Variants in HLCS observed in about 807,000 individuals in gnomAD.
HLCS encodes the protein biotin--protein ligase.
In HLCS, 53 loss-of-function variants were observed where a neutral mutation model predicts 75.0. The ratio of observed to expected loss-of-function variants is 0.71; its 90% confidence interval spans 0.57 to 0.89. The LOEUF (loss-of-function observed/expected upper bound fraction) is 0.89, where lower values mean the gene tolerates loss of function less well. Among genes scored for constraint, HLCS ranks in the 40% least tolerant of loss-of-function variants. HLCS has a pLI of 0.00. For synonymous variants in HLCS, 431 were observed against 428.6 expected (o/e 1.01, Z -0.07); for missense variants, 966 against 1,074.0 (o/e 0.90, Z 1.41).
At chr21:36,757,854 G>A (rs796886628) in intron 9 of HLCS, among the ~76,000 whole-genome samples, 1 of 152,272 alleles carries the variant, frequency 6.6e-6, no homozygotes, top group African/African-American at 2.4e-5. Context: ...CTGAACGTTC[G>A]TAAGGCATTA....
chr21:36,872,853 G>T (rs1477127903), intron 6 of HLCS, among the ~76,000 whole-genome samples: 1 of 152,038 alleles, frequency 6.6e-6, no homozygotes, highest in East Asian at 1.9e-4. Context: ...CTAGGGATGG[G>T]GTTACAGGGT....
chr21:36,937,475 C>T, intron 3 of HLCS, 83 bp from the exon 4 acceptor site: 1 of 1,203,716 alleles, frequency 8.3e-7, no homozygotes. Context: ...AATCTCATCA[C>T]CCTCTCTGCA....
At chr21:36,916,716 T>A (rs1278119005) in intron 5 of HLCS, among the ~76,000 whole-genome samples, 1 of 152,012 alleles carries the variant, frequency 6.6e-6, no homozygotes, top group Non-Finnish European at 1.5e-5. Flanking sequence ...TTTATACACA[T>A]GTGCTTTATA....
In HLCS at chr21:36,937,301, AGAAGG is replaced by A. The variant is rs1209487473; in HGVS notation, c.580_584del (p.Pro194SerfsTer2). 11 of 1,613,994 alleles carry A rather than the reference AGAAGG, an allele frequency of 6.8e-6. No homozygotes were observed. Among genetic ancestry groups the A allele is most frequent in the Middle Eastern group, 1.6e-4 (1 of 6,084 alleles). On this transcript the variant is annotated frameshift_variant, in exon 4 of 11. Transcript: ENST00000674895. LOFTEE classifies it high-confidence loss of function. ...CGTCCTGCTCAGGCTTAATCTCAAG[AGAAGG>A]TTCAGGCTTCGGCTCTAGGATCTGG...
intron 6 of HLCS, among the ~76,000 whole-genome samples, chr21:36,851,526 T>C (rs1353352799): frequency 6.6e-6 from 1 of 151,620 alleles, no homozygotes; most frequent in East Asian, 1.9e-4. Flanking sequence ...CTGGGAAGGG[T>C]AGTGGGGGGC....
At chr21:36,810,037 C>T (rs1330917522) in intron 6 of HLCS, among the ~76,000 whole-genome samples, 2 of 152,246 alleles carry the variant, frequency 1.3e-5, no homozygotes, top group East Asian at 1.9e-4. Context: ...GCCGTGGCAC[C>T]CAGCCATTTA....
chr21:36,846,717 T>G (rs1326557765), intron 6 of HLCS, among the ~76,000 whole-genome samples: 3 of 152,164 alleles, frequency 2.0e-5, no homozygotes, highest in African/African-American at 7.2e-5. Flanking sequence ...TTCCCTTACA[T>G]CTCCTTTTTA....
At chr21:36,905,059 C>T (rs539584882) in intron 5 of HLCS, among the ~76,000 whole-genome samples, 84 of 152,270 alleles carry the variant, frequency 5.5e-4, no homozygotes, top group South Asian at 1.0e-3. Context: ...CACAAACTTT[C>T]GTAAACCCTT....
intron 6 of HLCS, among the ~76,000 whole-genome samples, chr21:36,852,701 A>G (rs149101964): frequency 9.2e-5 from 14 of 152,282 alleles, no homozygotes; most frequent in Non-Finnish European, 2.1e-4. Context: ...ATCTGCCTCT[A>G]AAGCCTGATC....
intron 1 of HLCS, among the ~76,000 whole-genome samples, chr21:36,963,500 G>A (rs1169417878): frequency 5.3e-5 from 8 of 152,150 alleles, no homozygotes; most frequent in African/African-American, 9.7e-5. Flanking sequence ...GGTGGCTCAC[G>A]CCTGTAATCC....
rs191132728 is a variant in HLCS at position 36,914,735 on chromosome 21, A to G, written c.1620+15516T>C. 2.0e-3 allele frequency among the ~76,000 whole-genome samples: 309 copies of G among 152,364 alleles called. 1 individual carries two copies. The Middle Eastern group carries it at 0.034, about 17-fold the overall frequency. On this transcript the variant is annotated intron_variant, in intron 5 of 10. Transcript: ENST00000674895. ...AAAGCCAGGGTTGGCTCTAACGGCG[A>G]GGGCGGCTCTATGGGGCAGCTCAGC...
chr21:36,761,147 C>T (rs2089825290), intron 8 of HLCS, among the ~76,000 whole-genome samples: 1 of 152,206 alleles, frequency 6.6e-6, no homozygotes, highest in East Asian at 1.9e-4. Flanking sequence ...TGTGTTGGTG[C>T]TAGCGCATCC....
At chr21:36,964,092 G>C (rs2068445561) in intron 1 of HLCS, among the ~76,000 whole-genome samples, 1 of 152,168 alleles carries the variant, frequency 6.6e-6, no homozygotes, top group Non-Finnish European at 1.5e-5. Context: ...AGGCGTGGTG[G>C]CTCATGCCTG....
rs2062646258 is a variant in HLCS at position 36,842,428 on chromosome 21, T to C, written c.1892+54432A>G. ...TGTGCACTTTTCTGGAGGCATATTA[T>C]ACTTCAATAAAACTTCTAAGAAACT... is the stretch of plus-strand genomic sequence containing the variant. On this transcript the variant is annotated intron_variant, in intron 6 of 10. Transcript: ENST00000674895. This position sits in a 1 kb window ranked among gnomAD's most constrained non-coding sequence, Gnocchi z 4.2. 6.6e-6 allele frequency among the ~76,000 whole-genome samples: 1 copy of C among 152,146 alleles called. No homozygotes were observed. The highest frequency in any genetic ancestry group is 2.1e-4 in the South Asian group (1 of 4,822).
At chr21:36,758,441 T>C (rs1473530346) in intron 9 of HLCS, among the ~76,000 whole-genome samples, 1 of 152,130 alleles carries the variant, frequency 6.6e-6, no homozygotes, top group Non-Finnish European at 1.5e-5. Flanking sequence ...AAACAGGGTC[T>C]CACTCTGTCA....
intron 6 of HLCS, among the ~76,000 whole-genome samples, chr21:36,887,883 C>T (rs1180577910): frequency 6.6e-6 from 1 of 152,146 alleles, no homozygotes; most frequent in Non-Finnish European, 1.5e-5. Context: ...ACACCAATAA[C>T]ACAATACAGG....
chr21:36,810,472 G>A (rs1569042217), intron 6 of HLCS, among the ~76,000 whole-genome samples: 1 of 152,102 alleles, frequency 6.6e-6, no homozygotes, highest in Non-Finnish European at 1.5e-5. Context: ...CCTGCCCTTG[G>A]CCCTGAGCTT....
chr21:36,914,813 C>T (rs1251418649), intron 5 of HLCS, among the ~76,000 whole-genome samples: 4 of 152,186 alleles, frequency 2.6e-5, no homozygotes, highest in African/African-American at 9.7e-5. Context: ...CTCGTGGGTG[C>T]GGGACCGACA....
At chr21:36,965,767 T>C (rs1347772089) in intron 1 of HLCS, among the ~76,000 whole-genome samples, 1 of 151,724 alleles carries the variant, frequency 6.6e-6, no homozygotes, top group Non-Finnish European at 1.5e-5. Context: ...GGTCTTGCTT[T>C]GTCACCCAGA....
Sources: gnomAD v4.1 joint callset for allele counts (sites outside exome capture counted in the v4.1 genomes callset) on GRCh38, gnomAD v4.1.1 for gene constraint, Gnocchi (gnomAD v3.1) non-coding constraint, MANE v1.5 for transcripts, NCBI Gene and HGNC (gene_info 2026-07-23, HGNC 2026-07-21) for gene names.